TCF19: variants seen among roughly 807,000 people sequenced by gnomAD.
TCF19 encodes transcription factor SC1.
A neutral mutation model predicts 18.3 loss-of-function variants in TCF19; 9 were observed. The observed-to-expected ratio is 0.49, with a 90% CI of 0.30 to 0.86. The LOEUF is 0.86. Ranked by LOEUF, TCF19 falls within the 40% of genes least tolerant of loss-of-function variation. The pLI, the probability that TCF19 is intolerant of heterozygous loss-of-function variation, is 0.07. For synonymous variants in TCF19, 176 were observed against 185.3 expected (o/e 0.95, Z 0.41); for missense variants, 376 against 464.3 (o/e 0.81, Z 1.75).
In TCF19 at chr6:31,163,503, C is replaced by T; in HGVS notation, c.*786C>T. 1.0e-6 allele frequency: 1 copy of T among 985,400 alleles called. No homozygotes were observed. The highest frequency in any genetic ancestry group is 1.2e-6 in the Non-Finnish European group (1 of 829,930). The allele number at this position is 985,400 out of a possible 1,614,324, so 61.0% of individuals were successfully genotyped here. A position where few individuals can be genotyped will look rare whatever the true frequency, so the allele number is the denominator to read the frequency against. On this transcript the variant is annotated 3_prime_UTR_variant, in exon 4 of 4. Coordinates refer to ENST00000376257, the MANE Select transcript of TCF19 (RefSeq NM_007109.3). ...GATTTGGTTAAGTTCACAAAGATAGCAGAAGATTTATTTACAGGCTTCACC... is the reference window on the plus strand; with the variant it reads ...GATTTGGTTAAGTTCACAAAGATAGTAGAAGATTTATTTACAGGCTTCACC...
In TCF19 at chr6:31,163,814, T is replaced by G; in HGVS notation, c.*1097T>G. ...ACACCCGCCCTTTCCTACCTAGATTTAATGAGCCCAAGTTTTTAAAATGGA... is the reference window on the plus strand; with the variant it reads ...ACACCCGCCCTTTCCTACCTAGATTGAATGAGCCCAAGTTTTTAAAATGGA... On this transcript the variant is annotated 3_prime_UTR_variant, in exon 4 of 4. Coordinates refer to ENST00000376257, the MANE Select transcript of TCF19 (RefSeq NM_007109.3). 1.1e-6 allele frequency: 1 copy of G among 924,976 alleles called. No individual in the cohort carries two copies. Among genetic ancestry groups the G allele is most frequent in the Non-Finnish European group, 1.2e-6 (1 of 808,062 alleles). 57.3% of individuals were successfully genotyped at this position (924,976 alleles called of 1,614,324 possible). A position where few individuals can be genotyped will look rare whatever the true frequency, so the allele number is the denominator to read the frequency against.
chr6:31,162,642 T>C lies in TCF19; in HGVS notation c.963T>C (p.Cys321=), dbSNP rs1265748518. ...DGCDVWFHVA[C]VGCSIQAARE... ...GTGACGTCTGGTTCCATGTGGCCTG[T>C]GTTGGCTGCAGCATCCAGGCTGCCA... The change falls in exon 4 of 4, where the codon TGT becomes TGC. Residue 321 remains cysteine (C), a synonymous_variant. Coordinates refer to ENST00000376257, the MANE Select transcript of TCF19 (RefSeq NM_007109.3). The surrounding 1 kb of genome is among the most constrained non-coding windows in gnomAD (Gnocchi z 4.5). 6 of 1,612,886 alleles carry C rather than the reference T, an allele frequency of 3.7e-6. No homozygotes were observed. Among genetic ancestry groups the C allele is most frequent in the Non-Finnish European group, 5.1e-6 (6 of 1,179,998 alleles).
At position 31,161,574 on chromosome 6, in the gene TCF19, A is replaced by G. The variant is rs1322235183; in HGVS notation, c.366A>G (p.Gln122=). Reference sequence around the variant, plus strand: ...CCTCGGAGTTCTACTTCATGTTCCAACAAGTACGAGTCAAGCCTCAGGACT... The same window carrying G: ...CCTCGGAGTTCTACTTCATGTTCCAGCAAGTACGAGTCAAGCCTCAGGACT... ...TSPSEFYFMF[Q]QVRVKPQDFA... is the part of the protein sequence containing the mutation. Residue 122 remains glutamine (Q), a synonymous_variant, in exon 3 of 4, where the codon CAA becomes CAG. Transcript: ENST00000376257. 6.3e-7 allele frequency: 1 copy of G among 1,596,000 alleles called. No homozygotes were observed. Among genetic ancestry groups the G allele is most frequent in the Non-Finnish European group, 8.5e-7 (1 of 1,172,592 alleles).
Position 31,163,883 on chromosome 6 carries a change from A to T in TCF19, c.*1166A>T. 2.0e-6 allele frequency: 2 copies of T among 985,496 alleles called. No individual in the cohort carries two copies. Among genetic ancestry groups the T allele is most frequent in the Non-Finnish European group, 2.4e-6 (2 of 829,976 alleles). The allele number at this position is 985,496 out of a possible 1,614,324, so 61.0% of individuals were successfully genotyped here. A position where few individuals can be genotyped will look rare whatever the true frequency, so the allele number is the denominator to read the frequency against. On this transcript the variant is annotated 3_prime_UTR_variant, in exon 4 of 4. Transcript: ENST00000376257. ...AAGACCCCTAATGAACTAGTGGCAG[A>T]GCCAGGAATAAAACTTGAGTAACTA...
In TCF19 at chr6:31,162,135, C is replaced by T; in HGVS notation, c.797+130C>T. On this transcript the variant is annotated intron_variant, in intron 3 of 3. Coordinates refer to ENST00000376257, the MANE Select transcript of TCF19 (RefSeq NM_007109.3). The surrounding 1 kb of genome is among the most constrained non-coding windows in gnomAD (Gnocchi z 4.5). ...AGGTGGAATAGATGGAATGGCAAGA[C>T]CTGGGTTAGCTCTGATAGGAAAAGA... 9.3e-7 allele frequency: 1 copy of T among 1,070,014 alleles called. No homozygotes were observed. The highest frequency in any genetic ancestry group is 1.7e-5 in the South Asian group (1 of 59,432). 66.3% of individuals were successfully genotyped at this position (1,070,014 alleles called of 1,614,324 possible).
rs759829853 is a variant in TCF19, at chr6:31,158,889, GA to G, written c.-573-7del. 1 of 152,466 alleles carries G rather than the reference GA, an allele frequency of 6.6e-6. No individual in the cohort carries two copies. The highest frequency in any genetic ancestry group is 1.5e-5 in the Non-Finnish European group (1 of 68,256). 9.4% of individuals were successfully genotyped at this position (152,466 alleles called of 1,614,324 possible). A position where few individuals can be genotyped will look rare whatever the true frequency, so the allele number is the denominator to read the frequency against. ...GACTCGTTTGCACTTTCTTTTGGGG[GA>G]TGACAGTGGATTCATTGCCCTCGGA... On this transcript the variant is annotated splice_polypyrimidine_tract_variant and splice_region_variant and intron_variant, in intron 1 of 3. Transcript: ENST00000376257.
chr6:31,159,275 T>C lies in TCF19; in HGVS notation c.-195T>C. On this transcript the variant is annotated 5_prime_UTR_variant, in exon 2 of 4. Coordinates refer to ENST00000376257, the MANE Select transcript of TCF19 (RefSeq NM_007109.3). ...ATTTGCAAGTCGGCTTAACCAATTT[T>C]GCATTGAGTCCTAGGCTGCTTGCAC... The C allele has an allele frequency of 1.8e-6, 1 of 544,844 alleles. No individual in the cohort carries two copies. Among genetic ancestry groups the C allele is most frequent in the East Asian group, 3.1e-5 (1 of 32,320 alleles). The allele number at this position is 544,844 out of a possible 1,614,324, so 33.8% of individuals were successfully genotyped here. A position where few individuals can be genotyped will look rare whatever the true frequency, so the allele number is the denominator to read the frequency against.
chr6:31,162,555 T>G lies in TCF19; in HGVS notation c.876T>G (p.Cys292Trp). The change falls in exon 4 of 4, where the codon TGT becomes TGG. Residue 292 changes from cysteine (C) to tryptophan (W), a missense_variant. By Grantham distance (215) the Cys-to-Trp change is radical. Coordinates refer to ENST00000376257, the MANE Select transcript of TCF19 (RefSeq NM_007109.3). This position sits in a 1 kb window ranked among gnomAD's most constrained non-coding sequence, Gnocchi z 4.5. ...CTGCAGTTGGGGGCGGGGAGCCCTG[T>G]GCAGCTCCTTGTTGCTGCCTGCCCC... ...APPAVGGGEP[C>W]AAPCCCLPQE... 6.2e-7 allele frequency: 1 copy of G among 1,612,982 alleles called. No individual in the cohort carries two copies. The highest frequency in any genetic ancestry group is 2.2e-5 in the East Asian group (1 of 44,872).
intron 2 of TCF19, among the ~76,000 whole-genome samples, chr6:31,160,591 T>C (rs1776698367): frequency 6.6e-6 from 1 of 151,620 alleles, no homozygotes; most frequent in South Asian, 2.1e-4. Context: ...CCATCTGTGC[T>C]GAAAAAAAAA....
rs537839952 is a variant in TCF19, at chr6:31,162,817, G to A, written c.*100G>A. The A allele has an allele frequency of 1.2e-4, 179 of 1,492,152 alleles. 2 individuals are homozygous for A. In the South Asian group the frequency reaches 2.3e-3, roughly 19 times the overall value. 92.4% of individuals were successfully genotyped at this position (1,492,152 alleles called of 1,614,324 possible). A position where few individuals can be genotyped will look rare whatever the true frequency, so the allele number is the denominator to read the frequency against. Reference sequence around the variant, plus strand: ...TACCCCCCTTCCCTTCCCTCCCCAGGAGGGAATGACTACAGGGAAGAAGGA... The same window carrying A: ...TACCCCCCTTCCCTTCCCTCCCCAGAAGGGAATGACTACAGGGAAGAAGGA... On this transcript the variant is annotated 3_prime_UTR_variant, in exon 4 of 4. Transcript: ENST00000376257. This position sits in a 1 kb window ranked among gnomAD's most constrained non-coding sequence, Gnocchi z 4.5.
chr6:31,159,739 G>A, intron 2 of TCF19, 32 bp downstream of exon 2: 1 of 1,609,360 alleles, frequency 6.2e-7, no homozygotes, highest in Non-Finnish European at 8.5e-7. Flanking sequence ...TTTGCCCCTG[G>A]GTGGTTGAAG....
Position 31,162,907 on chromosome 6 carries a change from T to C in TCF19, c.*190T>C. 7.1e-7 allele frequency: 1 copy of C among 1,406,340 alleles called. No individual in the cohort carries two copies. Among genetic ancestry groups the C allele is most frequent in the Non-Finnish European group, 9.2e-7 (1 of 1,085,078 alleles). The allele number at this position is 1,406,340 out of a possible 1,614,324, so 87.1% of individuals were successfully genotyped here. On this transcript the variant is annotated 3_prime_UTR_variant, in exon 4 of 4. Coordinates refer to ENST00000376257, the MANE Select transcript of TCF19 (RefSeq NM_007109.3). The surrounding 1 kb of genome is among the most constrained non-coding windows in gnomAD (Gnocchi z 4.5). The stretch of plus-strand genomic sequence containing the variant: ...TGGTGGCCAAGACAGAAGAGATGGT[T>C]TCCTGCCAAAGATATTGCCACCTCC...
In TCF19 at chr6:31,162,730, A is replaced by G; in HGVS notation, c.*13A>G. 1.2e-6 allele frequency: 2 copies of G among 1,608,202 alleles called. No homozygotes were observed. Among genetic ancestry groups the G allele is most frequent in the Non-Finnish European group, 8.5e-7 (1 of 1,179,666 alleles). On this transcript the variant is annotated 3_prime_UTR_variant, in exon 4 of 4. Transcript: ENST00000376257. This position sits in a 1 kb window ranked among gnomAD's most constrained non-coding sequence, Gnocchi z 4.5. ...CATTCAGACCTAAGGTCCACTGCCA[A>G]GGCACCATCGGACACACCTGCCCAT...
In TCF19 at chr6:31,161,713, G is replaced by T; in HGVS notation, c.505G>T (p.Ala169Ser). 6.5e-7 allele frequency: 1 copy of T among 1,546,870 alleles called. No homozygotes were observed. The highest frequency in any genetic ancestry group is 8.7e-7 in the Non-Finnish European group (1 of 1,145,708). The change falls in exon 3 of 4, where the codon GCC (alanine) becomes TCC (serine). Residue 169 changes from alanine to serine, a missense_variant. By Grantham distance (99) the Ala-to-Ser change is moderately conservative. Coordinates refer to ENST00000376257, the MANE Select transcript of TCF19 (RefSeq NM_007109.3). Reference protein sequence around the residue: ...PQRPLSTFSPAPKATLILNSI... With the variant: ...PQRPLSTFSPSPKATLILNSI... ...GCGGCCTCTCAGCACCTTCTCCCCT[G>T]CCCCCAAGGCCACACTGATCCTAAA...
rs1323972092 is a variant in TCF19 at position 31,161,692 on chromosome 6, C to G, written c.484C>G (p.Pro162Ala). 19 of 1,532,326 alleles carry G rather than the reference C, an allele frequency of 1.2e-5. No individual in the cohort carries two copies. The highest frequency in any genetic ancestry group is 1.7e-5 in the Non-Finnish European group (19 of 1,139,706). 94.9% of individuals were successfully genotyped at this position (1,532,326 alleles called of 1,614,324 possible). ...GCCCTCCCAGGGGGCTCCACAGCGG[C>G]CTCTCAGCACCTTCTCCCCTGCCCC... ...MLPSQGAPQRPLSTFSPAPKA... is the reference protein window; with the variant it reads ...MLPSQGAPQRALSTFSPAPKA... Residue 162 changes from proline to alanine, a missense_variant, in exon 3 of 4, where the codon CCT (proline) becomes GCT (alanine). Transcript: ENST00000376257.
Position 31,162,953 on chromosome 6 carries a change from G to T in TCF19, c.*236G>T. ...CCTCCAGGAAATTGCCAGTGAGCTGGAAGTTCCCACTATTACAAGCCATAA... is the reference window on the plus strand; with the variant it reads ...CCTCCAGGAAATTGCCAGTGAGCTGTAAGTTCCCACTATTACAAGCCATAA... On this transcript the variant is annotated 3_prime_UTR_variant, in exon 4 of 4. Transcript: ENST00000376257. This position sits in a 1 kb window ranked among gnomAD's most constrained non-coding sequence, Gnocchi z 4.5. 7.1e-7 allele frequency: 1 copy of T among 1,405,134 alleles called. No individual in the cohort carries two copies. Among genetic ancestry groups the T allele is most frequent in the South Asian group, 1.6e-5 (1 of 61,208 alleles). 87.0% of individuals were successfully genotyped at this position (1,405,134 alleles called of 1,614,324 possible).
At position 31,163,057 on chromosome 6, in the gene TCF19, A is replaced by G. The variant is rs1776910350; in HGVS notation, c.*340A>G. On this transcript the variant is annotated 3_prime_UTR_variant, in exon 4 of 4. Coordinates refer to ENST00000376257, the MANE Select transcript of TCF19 (RefSeq NM_007109.3). ...CAAAAGCCATGCCTGCAACCGATGG[A>G]AAATGTAAGAGGGAGTTCTTAAGGT... The G allele has an allele frequency of 4.3e-6, 5 of 1,159,974 alleles. No individual in the cohort carries two copies. Among genetic ancestry groups the G allele is most frequent in the African/African-American group, 1.6e-5 (1 of 63,754 alleles). The allele number at this position is 1,159,974 out of a possible 1,614,324, so 71.9% of individuals were successfully genotyped here.
chr6:31,159,291 C>T lies in TCF19; in HGVS notation c.-179C>T, dbSNP rs1168804907. The T allele has an allele frequency of 1.6e-6, 1 of 633,668 alleles. No homozygotes were observed. The highest frequency in any genetic ancestry group is 1.8e-5 in the African/African-American group (1 of 54,252). 39.3% of individuals were successfully genotyped at this position (633,668 alleles called of 1,614,324 possible). A position where few individuals can be genotyped will look rare whatever the true frequency, so the allele number is the denominator to read the frequency against. ...AACCAATTTTGCATTGAGTCCTAGG[C>T]TGCTTGCACTCTGAATTTGGGCTAT... On this transcript the variant is annotated 5_prime_UTR_variant, in exon 2 of 4. Coordinates refer to ENST00000376257, the MANE Select transcript of TCF19 (RefSeq NM_007109.3).
rs1331347235 is a variant in TCF19, at chr6:31,162,073, G to A, written c.797+68G>A. On this transcript the variant is annotated intron_variant, in intron 3 of 3. Transcript: ENST00000376257. This position sits in a 1 kb window ranked among gnomAD's most constrained non-coding sequence, Gnocchi z 4.5. ...TTTCGATTCCTTGTATCCCTAGGCT[G>A]TGAGGAGGTCCCCCTGCCTGGGGGG... 2.0e-6 allele frequency: 3 copies of A among 1,492,812 alleles called. No homozygotes were observed. In the African/African-American group the frequency reaches 4.2e-5, roughly 21 times the overall value. The allele number at this position is 1,492,812 out of a possible 1,614,324, so 92.5% of individuals were successfully genotyped here.
Sources: gnomAD v4.1 joint callset for allele counts (sites outside exome capture counted in the v4.1 genomes callset) on GRCh38, gnomAD v4.1.1 for gene constraint, Gnocchi (gnomAD v3.1) non-coding constraint, MANE v1.5 for transcripts, NCBI Gene and HGNC (gene_info 2026-07-23, HGNC 2026-07-21) for gene names.